The following PLB1 variants were observed in gnomAD, a reference collection of about 807,000 sequenced individuals.
PLB1 encodes the protein phospholipase B1, membrane-associated.
In PLB1, 242 loss-of-function variants were observed where a neutral mutation model predicts 227.4. The ratio of observed to expected loss-of-function variants is 1.06; its 90% CI spans 0.96 to 1.18. PLB1 has a LOEUF of 1.18. Ranked by LOEUF, PLB1 falls within the 50% of genes most tolerant of loss-of-function variation. The pLI is 0.00. For synonymous variants in PLB1, 757 were observed against 682.2 expected, an observed-to-expected ratio of 1.11 and a Z score of -1.71; for missense variants, 1,858 against 1,816.3, an observed-to-expected ratio of 1.02 and a Z score of -0.42.
At chr2:28,548,052 C>T (rs2148218074) in intron 14 of PLB1, among the ~76,000 whole-genome samples, 1 of 152,074 alleles carries the variant, frequency 6.6e-6, no homozygotes. Context: ...ACCACACCAC[C>T]CACTCCTGGC....
chr2:28,535,481 T>C (rs189232652), intron 9 of PLB1, among the ~76,000 whole-genome samples: 1 of 152,344 alleles, frequency 6.6e-6, no homozygotes, highest in East Asian at 1.9e-4. Context: ...ACTCACCTCC[T>C]AGTGGTACCT....
At chr2:28,638,345 T>TTGAAG (rs1689605529) in intron 56 of PLB1, among the ~76,000 whole-genome samples, 2 of 152,070 alleles carry the variant, frequency 1.3e-5, no homozygotes, top group South Asian at 4.1e-4. Flanking sequence ...AGGAATGAGC[T>TTGAAG]TGAAGTGTCT....
Position 28,578,136 on chromosome 2 carries a change from T to G in PLB1, c.1463T>G (p.Val488Gly). 2 of 1,614,170 alleles carry G rather than the reference T, an allele frequency of 1.2e-6. No individual in the cohort carries two copies. Among genetic ancestry groups the G allele is most frequent in the Middle Eastern group, 3.3e-4 (2 of 6,062 alleles). ...EDLPVQARRLVDLMKNDTRIH... is the reference protein window; with the variant it reads ...EDLPVQARRLGDLMKNDTRIH... ...CTACCTGTCCAGGCCAGGAGGCTGG[T>G]GGACCTGATGAAGAATGACACGGTG... The change falls in exon 22 of 58, where the codon GTG becomes GGG. Residue 488 changes from valine (V) to glycine (G), a missense_variant. Transcript: ENST00000327757.
At chr2:28,594,169 T>C (rs1573272157) in intron 33 of PLB1, 2 of 450,610 alleles carry the variant, frequency 4.4e-6, no homozygotes, top group South Asian at 3.3e-5. Context: ...CCTTTACATA[T>C]ATGTACACAT....
In PLB1 at chr2:28,578,135, G is replaced by C; in HGVS notation, c.1462G>C (p.Val488Leu). 6.2e-7 allele frequency: 1 copy of C among 1,614,184 alleles called. No individual in the cohort carries two copies. Among genetic ancestry groups the C allele is most frequent in the Non-Finnish European group, 8.5e-7 (1 of 1,180,006 alleles). The change falls in exon 22 of 58, where the codon GTG (valine) becomes CTG (leucine). Residue 488 changes from valine to leucine, a missense_variant. By Grantham distance (32) the Val-to-Leu change is conservative. Coordinates refer to ENST00000327757, the MANE Select transcript of PLB1 (RefSeq NM_153021.5). ...EDLPVQARRLVDLMKNDTRIH... is the reference protein window; with the variant it reads ...EDLPVQARRLLDLMKNDTRIH... ...TCTACCTGTCCAGGCCAGGAGGCTG[G>C]TGGACCTGATGAAGAATGACACGGT...
At chr2:28,566,490 G>T in intron 19 of PLB1, 1 of 374,754 alleles carries the variant, frequency 2.7e-6, no homozygotes, top group Admixed American at 4.0e-5. Context: ...GGGGCTGGCA[G>T]ACGAGGGACT....
At chr2:28,569,362 G>C (rs528871044) in intron 20 of PLB1, among the ~76,000 whole-genome samples, 4 of 152,172 alleles carry the variant, frequency 2.6e-5, no homozygotes, top group Non-Finnish European at 5.9e-5. Context: ...GGTATATATA[G>C]ACCCTGCTCT....
chr2:28,577,293 T>C lies in PLB1; in HGVS notation c.1434-814T>C, dbSNP rs373632801. ...AAGATCAGTGATCTTGTCTCCATTT[T>C]GTAGTCTTTTTGAACTGAGAATTTA... On this transcript the variant is annotated intron_variant, in intron 21 of 57. Coordinates refer to ENST00000327757, the MANE Select transcript of PLB1 (RefSeq NM_153021.5). 3.9e-4 allele frequency among the ~76,000 whole-genome samples: 59 copies of C among 152,332 alleles called. 2 individuals carry two copies. The South Asian group carries it at 0.012, about 30-fold the overall frequency.
intron 52 of PLB1, 81 bp downstream of exon 52, chr2:28,628,709 G>A: frequency 7.3e-7 from 1 of 1,373,598 alleles, no homozygotes; most frequent in Non-Finnish European, 1.0e-6. Flanking sequence ...TCAGTGAGAT[G>A]CTCACGGAGC....
chr2:28,510,011 C>T (rs1668055615), intron 1 of PLB1, among the ~76,000 whole-genome samples: 1 of 152,184 alleles, frequency 6.6e-6, no homozygotes, highest in Admixed American at 6.5e-5. Context: ...TTTATTGTGA[C>T]ACCCCAGAGC....
At position 28,620,859 on chromosome 2, in the gene PLB1, C is replaced by G. The variant is rs368584940; in HGVS notation, c.3428-20C>G. The G allele has an allele frequency of 2.1e-5, 34 of 1,603,058 alleles. No individual in the cohort carries two copies. Among genetic ancestry groups the G allele is most frequent in the Non-Finnish European group, 2.8e-5 (33 of 1,170,056 alleles). On this transcript the variant is annotated intron_variant, in intron 48 of 57. Transcript: ENST00000327757. ...GCAGGCTCTCACCTGTGCTCTTCTC[C>G]TCCTCCTCCTCCTCTAAAGACATTC... is the stretch of plus-strand genomic sequence containing the variant.
chr2:28,642,514 T>A (rs540839808), intron 57 of PLB1, among the ~76,000 whole-genome samples: 1 of 152,180 alleles, frequency 6.6e-6, no homozygotes, highest in African/African-American at 2.4e-5. Flanking sequence ...ATGGGGACAG[T>A]TGTGACCACG....
At chr2:28,619,783 G>A (rs1046338703) in intron 46 of PLB1, among the ~76,000 whole-genome samples, 5 of 152,144 alleles carry the variant, frequency 3.3e-5, no homozygotes, top group African/African-American at 1.2e-4. Flanking sequence ...CAAGGGTAAG[G>A]AAAGTAGAAA....
At chr2:28,538,132 G>T (rs1181939120) in intron 9 of PLB1, among the ~76,000 whole-genome samples, 187 bp from the exon 10 acceptor site, 1 of 152,138 alleles carries the variant, frequency 6.6e-6, no homozygotes, top group South Asian at 2.1e-4. Flanking sequence ...GGAGAAAATA[G>T]AAGAACAAAA....
chr2:28,571,562 A>C (rs1189216223), intron 20 of PLB1, among the ~76,000 whole-genome samples: 2 of 55,804 alleles, frequency 3.6e-5, no homozygotes, highest in Non-Finnish European at 9.6e-5. Context: ...ATAAAGCTAT[A>C]GTAATCAAGA....
At chr2:28,513,475 G>T (rs1668506314) in intron 1 of PLB1, among the ~76,000 whole-genome samples, 1 of 152,306 alleles carries the variant, frequency 6.6e-6, no homozygotes, top group Non-Finnish European at 1.5e-5. Context: ...CCATTGAACT[G>T]CCTGAAGCTC....
chr2:28,589,963 C>A (rs776847423), intron 28 of PLB1, 42 bp from the exon 29 acceptor site: 1 of 1,566,826 alleles, frequency 6.4e-7, no homozygotes, highest in Admixed American at 1.7e-5. Context: ...TCCATTCTGG[C>A]CGCCTCTTCC....
intron 14 of PLB1, among the ~76,000 whole-genome samples, chr2:28,545,694 C>T (rs1251154600): frequency 2.0e-5 from 3 of 152,214 alleles, no homozygotes; most frequent in Admixed American, 2.0e-4. Context: ...ATTGCATCCT[C>T]CAGGTGCGGG....
chr2:28,524,217 G>A (rs919084552), intron 4 of PLB1, among the ~76,000 whole-genome samples: 2 of 152,140 alleles, frequency 1.3e-5, no homozygotes, highest in Non-Finnish European at 2.9e-5. Flanking sequence ...CACCACACCT[G>A]GAGATACTGT....
Sources: gnomAD v4.1 joint callset for allele counts (sites outside exome capture counted in the v4.1 genomes callset) on GRCh38, gnomAD v4.1.1 for gene constraint, MANE v1.5 for transcripts, NCBI Gene and HGNC (gene_info 2026-07-23, HGNC 2026-07-21) for gene names.